The following DPRX variants were observed in gnomAD, a reference collection of about 807,000 sequenced individuals.
The protein encoded by DPRX is divergent paired-related homeobox.
Under a neutral mutation model 8.4 loss-of-function variants are expected in DPRX, and 11 were observed. The observed-to-expected ratio is 1.31, with a 90% CI of 0.82 to 2.17. The LOEUF is 2.17. Ranked by LOEUF, DPRX falls within the 30% of genes most tolerant of loss-of-function variation. The pLI, the probability that DPRX is intolerant of heterozygous loss-of-function variation, is 0.00. For missense variants in DPRX, 211 were observed against 236.7 expected, an observed-to-expected ratio of 0.89 and a Z score of 0.71; for synonymous variants, 72 against 87.0, an observed-to-expected ratio of 0.83 and a Z score of 0.96.
At chr19:53,622,312 A>T in the DPRX span, among the ~76,000 whole-genome samples, 1 of 152,084 alleles carries the variant, frequency 6.6e-6, no homozygotes, top group Non-Finnish European at 1.5e-5. Context: ...AGCCACTGGA[A>T]AATGTCAGCG....
chr19:53,629,330 AAAAG>A (rs1188578042), upstream of DPRX, among the ~76,000 whole-genome samples: 4 of 151,304 alleles, frequency 2.6e-5, no homozygotes, highest in Admixed American at 6.6e-5. Flanking sequence ...AAAAAAAAAA[AAAAG>A]AGGAATGAGA....
chr19:53,609,767 C>T, the DPRX span, among the ~76,000 whole-genome samples: 1 of 151,852 alleles, frequency 6.6e-6, no homozygotes, highest in Non-Finnish European at 1.5e-5. Context: ...GGCAGGTCAC[C>T]TGAAGTCAGG....
At chr19:53,635,519 T>C (rs2091108736) in intron 2 of DPRX, among the ~76,000 whole-genome samples, 1 of 151,912 alleles carries the variant, frequency 6.6e-6, no homozygotes, top group African/African-American at 2.4e-5. Context: ...CAGCTGATAC[T>C]ACTGGTGTGT....
In DPRX at chr19:53,634,515, T is replaced by C. The variant is rs745544160; in HGVS notation, c.29-16T>C. On this transcript the variant is annotated splice_polypyrimidine_tract_variant and intron_variant, in intron 1 of 2. Coordinates refer to ENST00000376650, the Ensembl canonical transcript of DPRX. ...GTTAGCATTTCCCATTTGTGTCTTT[T>C]TCCTCCTCTTTCAAGGCAAGGACCA... The C allele has an allele frequency of 6.2e-7, 1 of 1,600,170 alleles. No homozygotes were observed. Among genetic ancestry groups the C allele is most frequent in the Non-Finnish European group, 8.5e-7 (1 of 1,175,312 alleles).
the DPRX span, among the ~76,000 whole-genome samples, chr19:53,613,871 C>T: frequency 2.0e-5 from 3 of 151,958 alleles, no homozygotes; most frequent in South Asian, 2.1e-4. Flanking sequence ...TTTTTTCCTA[C>T]GTTTATTGGC....
upstream of DPRX, chr19:53,631,976 C>T: frequency 1.6e-6 from 2 of 1,214,780 alleles, no homozygotes; most frequent in Non-Finnish European, 1.2e-6. Flanking sequence ...ATATTGGAGG[C>T]AGATAGGGCA....
At chr19:53,630,388 C>CA (rs1027242574), upstream of DPRX, among the ~76,000 whole-genome samples, 4 of 151,798 alleles carry the variant, frequency 2.6e-5, no homozygotes, top group Non-Finnish European at 5.9e-5. Flanking sequence ...CCCTTCTCTA[C>CA]AAAAAATGCA....
the DPRX span, among the ~76,000 whole-genome samples, chr19:53,605,669 T>C: frequency 9.4e-4 from 143 of 152,010 alleles, no homozygotes; most frequent in African/African-American, 3.1e-3. Context: ...ATTTTAATTA[T>C]TTTATTTTAT....
the DPRX span, among the ~76,000 whole-genome samples, chr19:53,613,208 A>G: frequency 1.3e-5 from 2 of 152,100 alleles, no homozygotes; most frequent in Admixed American, 6.6e-5. Flanking sequence ...CTGAGCCCCA[A>G]TATTAGCCTG....
chr19:53,618,884 G>A, the DPRX span, among the ~76,000 whole-genome samples: 2 of 151,954 alleles, frequency 1.3e-5, no homozygotes, highest in African/African-American at 4.8e-5. Context: ...GTTTTGCCAT[G>A]TTTGTCAGGC....
At chr19:53,631,995 T>C (rs1600570240), upstream of DPRX, 2 of 1,439,844 alleles carry the variant, frequency 1.4e-6, no homozygotes, top group African/African-American at 1.4e-5. Context: ...CAGAGAAAGG[T>C]GGAGGAGGTG....
chr19:53,627,096 C>T (rs553899154), upstream of DPRX, among the ~76,000 whole-genome samples: 4 of 152,222 alleles, frequency 2.6e-5, no homozygotes, highest in African/African-American at 7.2e-5. Context: ...GCCCTATTTG[C>T]GCAGTAGAAG....
the DPRX span, among the ~76,000 whole-genome samples, chr19:53,616,529 T>C: frequency 6.6e-5 from 10 of 151,566 alleles, no homozygotes; most frequent in African/African-American, 2.2e-4. Context: ...CTGAGGCGGG[T>C]GGATCACTTG....
At chr19:53,607,199 AC>A in the DPRX span, 1 of 152,414 alleles carries the variant, frequency 6.6e-6, no homozygotes, top group Admixed American at 6.6e-5. Flanking sequence ...GGCTCCGTCA[AC>A]CCAGATTCCC....
chr19:53,632,389 C>T (rs1194362925), intron 1 of DPRX, among the ~76,000 whole-genome samples: 1 of 152,146 alleles, frequency 6.6e-6, no homozygotes, highest in Non-Finnish European at 1.5e-5. Context: ...CAACCTCCAC[C>T]TCCCAGGTTC....
the DPRX span, among the ~76,000 whole-genome samples, chr19:53,623,798 CAAT>C: frequency 1.3e-5 from 2 of 151,258 alleles, no homozygotes; most frequent in African/African-American, 4.9e-5. Context: ...TAAAAATACA[CAAT>C]TAGCTGGACA....
chr19:53,603,382 G>A, the DPRX span: 11 of 456,292 alleles, frequency 2.4e-5, no homozygotes, highest in African/African-American at 1.2e-4. Context: ...TAGACGATGC[G>A]GCCCCATCTC....
chr19:53,608,967 AAAAAAAAGG>A, the DPRX span, among the ~76,000 whole-genome samples: 3 of 112,708 alleles, frequency 2.7e-5, no homozygotes, highest in African/African-American at 3.7e-5. Flanking sequence ...AAAAAAAAAA[AAAAAAAAGG>A]AAAGAAAAGA....
upstream of DPRX, among the ~76,000 whole-genome samples, chr19:53,628,515 A>G (rs1412386056): frequency 6.6e-6 from 1 of 152,158 alleles, no homozygotes; most frequent in Non-Finnish European, 1.5e-5. Context: ...CCATTTAAAA[A>G]TAAGCGGTTC....
Sources: allele counts gnomAD v4.1 joint callset (sites outside exome capture counted in the v4.1 genomes callset), GRCh38; gene constraint gnomAD v4.1.1; transcripts MANE v1.5; gene names NCBI Gene and HGNC (gene_info 2026-07-23, HGNC 2026-07-21).